CTXN3: variants seen among roughly 807,000 people sequenced by gnomAD.
CTXN3 encodes the protein cortexin-3.
In CTXN3, 4 loss-of-function variants were observed where a neutral mutation model predicts 5.0. That is an observed-to-expected ratio of 0.79 (90% CI 0.39 to 1.82). The LOEUF (loss-of-function observed/expected upper bound fraction) is 1.82. Ranked by LOEUF, CTXN3 falls within the 40% of genes most tolerant of loss-of-function variation. CTXN3 has a pLI of 0.04. For synonymous variants in CTXN3, 48 were observed against 38.6 expected (o/e 1.24, Z -0.91); for missense variants, 89 against 99.7 (o/e 0.89, Z 0.46).
intron 1 of CTXN3, chr5:127,651,731 C>T (rs995267226): frequency 4.0e-5 from 6 of 151,800 alleles, no homozygotes; most frequent in East Asian, 1.9e-4. Context: ...AAAGGGTGGG[C>T]TCTTGAGTTG....
In CTXN3 at chr5:127,658,030, G is replaced by C; in HGVS notation, c.*263G>C. On this transcript the variant is annotated 3_prime_UTR_variant, in exon 3 of 3. Coordinates refer to ENST00000379445, the MANE Select transcript of CTXN3 (RefSeq NM_001048252.3). Reference sequence around the variant, plus strand: ...AGTACTCTTAAAATTGTGTGATTGTGAAACCAAGAGCGTTAATACTGACAT... The same window carrying C: ...AGTACTCTTAAAATTGTGTGATTGTCAAACCAAGAGCGTTAATACTGACAT... 2.3e-6 allele frequency: 1 copy of C among 437,476 alleles called. No individual in the cohort carries two copies. The highest frequency in any genetic ancestry group is 4.3e-6 in the Non-Finnish European group (1 of 231,700). The allele number at this position is 437,476 out of a possible 1,614,324, so 27.1% of individuals were successfully genotyped here. A position where few individuals can be genotyped will look rare whatever the true frequency, so the allele number is the denominator to read the frequency against.
At chr5:127,656,535 T>C (rs1749912597) in intron 2 of CTXN3, among the ~76,000 whole-genome samples, 1 of 152,178 alleles carries the variant, frequency 6.6e-6, no homozygotes, top group African/African-American at 2.4e-5. Context: ...CTCTAGGTGC[T>C]TCCCAGGGTC....
rs959914588 is a variant in CTXN3 at position 127,653,428 on chromosome 5, G to A, written c.-100+5G>A. On this transcript the variant is annotated splice_donor_5th_base_variant and intron_variant, in intron 2 of 2. Coordinates refer to ENST00000379445, the MANE Select transcript of CTXN3 (RefSeq NM_001048252.3). ...TATCAGGATTAAAATATGGCTGTGA[G>A]TAACTGTGGTCCTTCTTTATACTTA... The A allele has an allele frequency of 6.6e-6, 1 of 152,296 alleles. No individual in the cohort carries two copies. Among genetic ancestry groups the A allele is most frequent in the Non-Finnish European group, 1.5e-5 (1 of 68,016 alleles). The allele number at this position is 152,296 out of a possible 1,614,324, so 9.4% of individuals were successfully genotyped here. A position where few individuals can be genotyped will look rare whatever the true frequency, so the allele number is the denominator to read the frequency against.
intron 2 of CTXN3, 44 bp from the exon 3 acceptor site, chr5:127,657,379 C>T: frequency 2.3e-6 from 2 of 862,212 alleles, no homozygotes. Flanking sequence ...AAAAATAAGG[C>T]TGCTATTTTA....
rs745983302 is a variant in CTXN3 at position 127,657,797 on chromosome 5, A to C, written c.*30A>C. 1.9e-5 allele frequency: 30 copies of C among 1,611,950 alleles called. No individual in the cohort carries two copies. The highest frequency in any genetic ancestry group is 2.4e-5 in the Non-Finnish European group (28 of 1,178,716). ...GATGGTGTGGGATCTCCTCCTGAGG[A>C]GATGAAGTGCTTTGTGTCTTGGTGA... On this transcript the variant is annotated 3_prime_UTR_variant, in exon 3 of 3. Transcript: ENST00000379445.
intron 2 of CTXN3, 112 bp downstream of exon 2, chr5:127,653,535 CTGGTCA>C (rs1749839396): frequency 6.6e-6 from 1 of 152,128 alleles, no homozygotes; most frequent in Non-Finnish European, 1.5e-5. Flanking sequence ...ACAGATTTCC[CTGGTCA>C]TCTAAAAGAA....
At chr5:127,649,739 C>A (rs1749745780) in intron 1 of CTXN3, among the ~76,000 whole-genome samples, 1 of 151,874 alleles carries the variant, frequency 6.6e-6, no homozygotes, top group Non-Finnish European at 1.5e-5. Flanking sequence ...AAACGTCCAA[C>A]CTTCCAAAAT....
chr5:127,657,597 G>C lies in CTXN3; in HGVS notation c.76G>C (p.Glu26Gln). ...NESADSSMSL[E>Q]QKMTFVFVIL... is the part of the protein sequence containing the mutation. ...ATCAGCAGATTCTAGCATGTCCCTG[G>C]AGCAGAAAATGACATTTGTTTTTGT... The change falls in exon 3 of 3, where the codon GAG becomes CAG. Residue 26 changes from glutamate to glutamine, a missense_variant. Coordinates refer to ENST00000379445, the MANE Select transcript of CTXN3 (RefSeq NM_001048252.3). 1 of 1,614,194 alleles carries C rather than the reference G, an allele frequency of 6.2e-7. No homozygotes were observed. Among genetic ancestry groups the C allele is most frequent in the Non-Finnish European group, 8.5e-7 (1 of 1,180,032 alleles).
At position 127,654,287 on chromosome 5, in the gene CTXN3, A is replaced by G. The variant is rs111913404; in HGVS notation, c.-100+864A>G. ...CACCTCTATTTGCTCATAATTTGGT[A>G]TATCAGGAAAGGTTTGGTGATGAAG... is the stretch of plus-strand genomic sequence containing the variant. On this transcript the variant is annotated intron_variant, in intron 2 of 2. Transcript: ENST00000379445. Among the ~76,000 whole-genome samples the G allele has an allele frequency of 2.2e-4, 34 of 152,334 alleles. 1 individual carries two copies. Among genetic ancestry groups the G allele is most frequent in the African/African-American group, 7.5e-4 (31 of 41,580 alleles).
chr5:127,655,217 C>T (rs564915168), intron 2 of CTXN3, among the ~76,000 whole-genome samples: 4 of 152,234 alleles, frequency 2.6e-5, no homozygotes, highest in African/African-American at 7.2e-5. Flanking sequence ...GAGCTGAGAT[C>T]GCACCATTGC....
intron 2 of CTXN3, among the ~76,000 whole-genome samples, chr5:127,655,530 A>G (rs1749888240): frequency 6.6e-6 from 1 of 152,172 alleles, no homozygotes; most frequent in South Asian, 2.1e-4. Context: ...AGAATTTTAT[A>G]TTTCATATGA....
intron 2 of CTXN3, chr5:127,653,758 G>C (rs910979283): frequency 7.2e-5 from 11 of 152,130 alleles, no homozygotes; most frequent in African/African-American, 2.7e-4. Flanking sequence ...TGCTGTTGGA[G>C]CTTTCTAAAT....
At chr5:127,650,796 T>A (rs542040747) in intron 1 of CTXN3, among the ~76,000 whole-genome samples, 12 of 152,180 alleles carry the variant, frequency 7.9e-5, no homozygotes, top group Non-Finnish European at 1.8e-4. Context: ...GTGGTGGGGA[T>A]GGATAATAGG....
rs1289569415 is a variant in CTXN3, at chr5:127,653,298, GT to G, written c.-206-15del. The G allele has an allele frequency of 1.3e-5, 2 of 152,104 alleles. No individual in the cohort carries two copies. The highest frequency in any genetic ancestry group is 4.8e-5 in the African/African-American group (2 of 41,420). 9.4% of individuals were successfully genotyped at this position (152,104 alleles called of 1,614,324 possible). ...TTGAAAAGGGTATCTTTTAATTAAG[GT>G]TTTCTTTAATTTTTCAGTATTAAAA... On this transcript the variant is annotated intron_variant, in intron 1 of 2. Coordinates refer to ENST00000379445, the MANE Select transcript of CTXN3 (RefSeq NM_001048252.3).
At chr5:127,649,961 G>A (rs1291052388) in intron 1 of CTXN3, among the ~76,000 whole-genome samples, 3 of 152,124 alleles carry the variant, frequency 2.0e-5, no homozygotes, top group Admixed American at 6.6e-5. Flanking sequence ...GTTCCAGTTC[G>A]TTAAGGGTGC....
chr5:127,651,223 C>G (rs1749778826), intron 1 of CTXN3, among the ~76,000 whole-genome samples: 1 of 152,168 alleles, frequency 6.6e-6, no homozygotes, highest in Non-Finnish European at 1.5e-5. Context: ...TGGACAAGCC[C>G]AAGAGTGTCC....
At chr5:127,656,620 G>A (rs1051970317) in intron 2 of CTXN3, among the ~76,000 whole-genome samples, 4 of 152,220 alleles carry the variant, frequency 2.6e-5, no homozygotes, top group Non-Finnish European at 5.9e-5. Flanking sequence ...GGGAGACTGA[G>A]ATACCTCCGT....
rs1390032396 is a variant in CTXN3 at position 127,658,469 on chromosome 5, T to C, written c.*702T>C. 1 of 167,102 alleles carries C rather than the reference T, an allele frequency of 6.0e-6. No homozygotes were observed. The highest frequency in any genetic ancestry group is 2.4e-5 in the African/African-American group (1 of 41,456). The allele number at this position is 167,102 out of a possible 1,614,324, so 10.4% of individuals were successfully genotyped here. ...TAGAGGTAGCTATACATTACTTGAA[T>C]TTACACTTTACACAAATGATTTAAA... On this transcript the variant is annotated 3_prime_UTR_variant, in exon 3 of 3. Transcript: ENST00000379445.
chr5:127,652,817 G>A (rs144706551), intron 1 of CTXN3, among the ~76,000 whole-genome samples: 1 of 152,266 alleles, frequency 6.6e-6, no homozygotes, highest in East Asian at 1.9e-4. Flanking sequence ...TCAGTTACAC[G>A]GAAGTTTATT....
Sources: gnomAD v4.1 joint callset for allele counts (sites outside exome capture counted in the v4.1 genomes callset) on GRCh38, gnomAD v4.1.1 for gene constraint, MANE v1.5 for transcripts, NCBI Gene and HGNC (gene_info 2026-07-23, HGNC 2026-07-21) for gene names.